COL5A2: variants seen among roughly 807,000 people sequenced by gnomAD.
COL5A2 encodes collagen type V alpha 2 chain, also known as collagen alpha-2(V) chain.
A neutral mutation model predicts 208.2 loss-of-function variants in COL5A2; 23 were observed. The ratio of observed to expected loss-of-function variants is 0.11; its 90% CI spans 0.08 to 0.16. The LOEUF (loss-of-function observed/expected upper bound fraction) is 0.16, where lower values mean the gene tolerates loss of function less well. COL5A2 is among the 10% of genes least tolerant of loss of function. The pLI is 1.00. For synonymous variants in COL5A2, 625 were observed against 628.5 expected (o/e 0.99, Z 0.08); for missense variants, 1,590 against 1,956.4 (o/e 0.81, Z 3.53).
intron 52 of COL5A2, among the ~76,000 whole-genome samples, chr2:189,035,386 A>G (rs991892979): frequency 9.9e-5 from 15 of 152,128 alleles, no homozygotes; most frequent in African/African-American, 2.7e-4. Context: ...TAATGAAACC[A>G]ATAATAACAA....
the COL5A2 span, among the ~76,000 whole-genome samples, chr2:189,379,190 T>TA: frequency 6.6e-6 from 1 of 152,150 alleles, no homozygotes; most frequent in Non-Finnish European, 1.5e-5. Flanking sequence ...CCATATGTCC[T>TA]AAAGGACCAG....
At chr2:189,179,812 A>G, upstream of COL5A2, 1 of 719,104 alleles carries the variant, frequency 1.4e-6, no homozygotes, top group Non-Finnish European at 2.3e-6. Context: ...TGCTGCCTCC[A>G]CTTCTTTTCC....
the COL5A2 span, among the ~76,000 whole-genome samples, chr2:189,312,158 AC>A: frequency 6.6e-6 from 1 of 151,340 alleles, no homozygotes; most frequent in Non-Finnish European, 1.5e-5. Flanking sequence ...TGAAGTAATG[AC>A]TCCAGTCTCT....
chr2:189,092,506 G>C lies in COL5A2; in HGVS notation c.457-86C>G. 4.9e-6 allele frequency: 4 copies of C among 812,340 alleles called. No individual in the cohort carries two copies. The Admixed American group carries it at 6.0e-5, about 12-fold the overall frequency. The allele number at this position is 812,340 out of a possible 1,614,324, so 50.3% of individuals were successfully genotyped here. ...AAAGGCACAGACTTCTTAATGGCAA[G>C]GGAGTGTTTATTATTTTAAAAATAC... On this transcript the variant is annotated intron_variant, in intron 6 of 53. Coordinates refer to ENST00000374866, the MANE Select transcript of COL5A2 (RefSeq NM_000393.5).
intron 1 of COL5A2, among the ~76,000 whole-genome samples, chr2:189,174,714 C>T (rs1486827979): frequency 6.6e-6 from 1 of 152,084 alleles, no homozygotes; most frequent in African/African-American, 2.4e-5. Context: ...TTCTTTATAC[C>T]ATTTTTTATC....
At chr2:189,120,668 C>A (rs1296892316) in intron 1 of COL5A2, among the ~76,000 whole-genome samples, 2 of 151,916 alleles carry the variant, frequency 1.3e-5, no homozygotes, top group Non-Finnish European at 1.5e-5. Context: ...CCTTAGACAC[C>A]AAGACAGTCT....
chr2:189,117,548 T>C (rs1687416877), intron 1 of COL5A2, among the ~76,000 whole-genome samples: 1 of 152,104 alleles, frequency 6.6e-6, no homozygotes. Context: ...AAAAATCTGC[T>C]TAACTGTTTC....
chr2:189,137,104 G>A (rs560890202), intron 1 of COL5A2, among the ~76,000 whole-genome samples: 8 of 152,032 alleles, frequency 5.3e-5, no homozygotes, highest in South Asian at 2.1e-4. Flanking sequence ...TTCTTCGTTC[G>A]TGTTTATTCT....
intron 1 of COL5A2, among the ~76,000 whole-genome samples, chr2:189,131,262 G>A (rs915450301): frequency 2.0e-5 from 3 of 152,070 alleles, no homozygotes; most frequent in African/African-American, 4.8e-5. Context: ...TTGGGTTACC[G>A]GAAATAACTT....
the COL5A2 span, among the ~76,000 whole-genome samples, chr2:189,293,104 TG>T: frequency 8.5e-6 from 1 of 118,004 alleles, no homozygotes. Flanking sequence ...GGGACTGTTG[TG>T]GGGTGGGGGG....
the COL5A2 span, among the ~76,000 whole-genome samples, chr2:189,331,373 T>C: frequency 9.2e-5 from 14 of 152,124 alleles, no homozygotes; most frequent in East Asian, 7.7e-4. Context: ...TAATAAAATA[T>C]AAAAAATTAG....
At chr2:189,398,085 T>A in the COL5A2 span, among the ~76,000 whole-genome samples, 1 of 152,172 alleles carries the variant, frequency 6.6e-6, no homozygotes, top group Admixed American at 6.5e-5. Context: ...TTCCAATCAC[T>A]TAGAAATTTT....
chr2:189,191,850 A>G (rs1021553493), intron 1 of COL5A2, among the ~76,000 whole-genome samples: 1 of 152,036 alleles, frequency 6.6e-6, no homozygotes, highest in Non-Finnish European at 1.5e-5. Context: ...TGAGGGAGGC[A>G]CAGAGAGACA....
chr2:189,188,074 T>G (rs866265473), intron 1 of COL5A2, among the ~76,000 whole-genome samples: 66 of 152,344 alleles, frequency 4.3e-4, no homozygotes, highest in Middle Eastern at 3.4e-3. Flanking sequence ...CCTCTCATTC[T>G]GCTGTGTTTT....
At chr2:189,111,113 A>G (rs1419155326) in intron 1 of COL5A2, among the ~76,000 whole-genome samples, 3 of 152,168 alleles carry the variant, frequency 2.0e-5, no homozygotes, top group Admixed American at 2.0e-4. Flanking sequence ...GTTTGCATCA[A>G]AATTAATTAA....
At chr2:189,043,705 T>C (rs1312611053) in intron 47 of COL5A2, among the ~76,000 whole-genome samples, 1 of 152,218 alleles carries the variant, frequency 6.6e-6, no homozygotes, top group African/African-American at 2.4e-5. Context: ...AATTTACATA[T>C]GCAAATAAAC....
chr2:189,113,042 A>G (rs944714707), intron 1 of COL5A2, among the ~76,000 whole-genome samples: 47 of 152,210 alleles, frequency 3.1e-4, no homozygotes, highest in African/African-American at 1.1e-3. Context: ...ATGAGATACT[A>G]CTTCAATTAG....
the COL5A2 span, among the ~76,000 whole-genome samples, chr2:189,394,473 G>T: frequency 6.6e-6 from 1 of 152,150 alleles, no homozygotes; most frequent in South Asian, 2.1e-4. Context: ...TCTAAGAGGA[G>T]ACACGAGTGA....
rs943120654 is a variant in COL5A2 at position 189,051,259 on chromosome 2, T to C, written c.2931+61A>G. On this transcript the variant is annotated intron_variant, in intron 42 of 53. Transcript: ENST00000374866. ...AGCATTTTTGTGACACTGATCATTA[T>C]GGGTTTCTATTTGTAAATATCTCAG... 20 of 1,607,010 alleles carry C rather than the reference T, an allele frequency of 1.2e-5. No individual in the cohort carries two copies. The African/African-American group carries it at 2.7e-4, about 21-fold the overall frequency.
Sources: allele counts gnomAD v4.1 joint callset (sites outside exome capture counted in the v4.1 genomes callset), GRCh38; gene constraint gnomAD v4.1.1; transcripts MANE v1.5; gene names NCBI Gene and HGNC (gene_info 2026-07-23, HGNC 2026-07-21).